The following CCSER1 variants were observed in gnomAD, a reference collection of about 807,000 sequenced individuals.
CCSER1 encodes the protein coiled-coil serine rich protein 1.
CCSER1 carries 41 observed loss-of-function variants against 82.0 expected under a neutral mutation model. The observed-to-expected ratio is 0.50, with a 90% confidence interval of 0.39 to 0.65. The LOEUF (loss-of-function observed/expected upper bound fraction) is 0.65, where lower values mean the gene tolerates loss of function less well. Among genes scored for constraint, CCSER1 ranks in the 30% least tolerant of loss-of-function variants. CCSER1 has a pLI of 0.00. For missense variants in CCSER1, 1,119 were observed against 1,064.2 expected (o/e 1.05, Z -0.72); for synonymous variants, 414 against 383.9 (o/e 1.08, Z -0.92).
At chr4:91,519,835 CT>C (rs1760355467) in intron 10 of CCSER1, among the ~76,000 whole-genome samples, 1 of 152,166 alleles carries the variant, frequency 6.6e-6, no homozygotes, top group African/African-American at 2.4e-5. Context: ...ATATGTTCGC[CT>C]GGATGTTTCA....
intron 10 of CCSER1, among the ~76,000 whole-genome samples, chr4:91,324,224 A>T (rs1354411801): frequency 6.6e-6 from 1 of 152,150 alleles, no homozygotes; most frequent in Non-Finnish European, 1.5e-5. Context: ...TCTATCTCCA[A>T]AATTATAGTA....
chr4:91,304,739 A>G (rs1176221432), intron 10 of CCSER1, among the ~76,000 whole-genome samples: 2 of 152,048 alleles, frequency 1.3e-5, no homozygotes, highest in African/African-American at 2.4e-5. Flanking sequence ...GAATCACAAT[A>G]CAATCCCCGA....
intron 10 of CCSER1, among the ~76,000 whole-genome samples, chr4:91,266,540 A>G (rs28522771): frequency 0.56 from 84,994 of 151,824 alleles, 24,864 homozygotes; most frequent in African/African-American, 0.76. Flanking sequence ...CGTGAGCCAC[A>G]GCGCCCGGCC....
At chr4:91,123,020 T>C (rs1262285700) in intron 10 of CCSER1, among the ~76,000 whole-genome samples, 1 of 151,762 alleles carries the variant, frequency 6.6e-6, no homozygotes, top group Non-Finnish European at 1.5e-5. Flanking sequence ...ACTATTTCAT[T>C]GAATAAATAT....
intron 7 of CCSER1, among the ~76,000 whole-genome samples, chr4:90,763,410 A>G (rs994087444): frequency 1.3e-5 from 2 of 152,132 alleles, no homozygotes; most frequent in Non-Finnish European, 2.9e-5. Flanking sequence ...ACTGAAAAAC[A>G]ATATTAAAAT....
intron 1 of CCSER1, among the ~76,000 whole-genome samples, chr4:90,235,973 A>G (rs1056350061): frequency 7.2e-5 from 11 of 152,106 alleles, no homozygotes; most frequent in African/African-American, 2.7e-4. Context: ...AGAGTGTCTC[A>G]TTGTGTCTCC....
intron 10 of CCSER1, among the ~76,000 whole-genome samples, chr4:91,139,823 T>C (rs1728856008): frequency 6.6e-6 from 1 of 152,204 alleles, no homozygotes; most frequent in East Asian, 1.9e-4. Context: ...ATTGCTTCTC[T>C]GAAAACCTTT....
chr4:91,180,665 A>C (rs1209887717), intron 10 of CCSER1, among the ~76,000 whole-genome samples: 1 of 152,144 alleles, frequency 6.6e-6, no homozygotes, highest in Non-Finnish European at 1.5e-5. Context: ...GGAAAAGTGC[A>C]GTATTAGGGT....
At chr4:90,669,331 A>G (rs914791233) in intron 6 of CCSER1, among the ~76,000 whole-genome samples, 1 of 152,052 alleles carries the variant, frequency 6.6e-6, no homozygotes, top group African/African-American at 2.4e-5. Context: ...GAGCTATGAG[A>G]CAAGAGAAGA....
chr4:91,202,053 C>CT (rs1197175149), intron 10 of CCSER1, among the ~76,000 whole-genome samples: 1 of 151,730 alleles, frequency 6.6e-6, no homozygotes, highest in Non-Finnish European at 1.5e-5. Flanking sequence ...ACTTTTAGCA[C>CT]TTTTTTGTCT....
At chr4:90,860,193 A>G (rs1301846074) in intron 8 of CCSER1, among the ~76,000 whole-genome samples, 1 of 151,726 alleles carries the variant, frequency 6.6e-6, no homozygotes, top group Non-Finnish European at 1.5e-5. Context: ...TGGGCATACC[A>G]TTTGAATAGA....
chr4:90,646,448 TA>T (rs1727617872), intron 6 of CCSER1, among the ~76,000 whole-genome samples: 1 of 152,004 alleles, frequency 6.6e-6, no homozygotes, highest in African/African-American at 2.4e-5. Flanking sequence ...AAAATAGACC[TA>T]AAAAACAAAC....
At chr4:90,809,311 T>TAC (rs56677479) in intron 7 of CCSER1, among the ~76,000 whole-genome samples, 23,635 of 148,224 alleles carry the variant, frequency 0.16, 1,962 homozygotes, top group Non-Finnish European at 0.2. Flanking sequence ...AGCAAGATCA[T>TAC]ACACACACAC....
intron 6 of CCSER1, among the ~76,000 whole-genome samples, chr4:90,660,486 T>A (rs1218524474): frequency 1.3e-5 from 2 of 152,140 alleles, no homozygotes; most frequent in African/African-American, 4.8e-5. Flanking sequence ...AAATGTGTCA[T>A]AACATTTCAA....
intron 8 of CCSER1, among the ~76,000 whole-genome samples, chr4:90,884,912 G>T (rs1055031435): frequency 1.3e-5 from 2 of 152,040 alleles, no homozygotes; most frequent in African/African-American, 4.8e-5. Flanking sequence ...ATAGAAGATT[G>T]CACAACAATA....
chr4:91,241,923 A>C (rs1739398763), intron 10 of CCSER1, among the ~76,000 whole-genome samples: 1 of 152,018 alleles, frequency 6.6e-6, no homozygotes, highest in African/African-American at 2.4e-5. Flanking sequence ...TAATATCTCT[A>C]TATATTTTTG....
intron 10 of CCSER1, among the ~76,000 whole-genome samples, chr4:91,479,127 T>G (rs1393742405): frequency 6.6e-6 from 1 of 151,194 alleles, no homozygotes; most frequent in Admixed American, 6.6e-5. Context: ...TTTGAAATTA[T>G]GAAATTGACA....
intron 1 of CCSER1, among the ~76,000 whole-genome samples, chr4:90,201,921 T>C (rs1737788599): frequency 6.6e-6 from 1 of 152,150 alleles, no homozygotes; most frequent in Admixed American, 6.6e-5. Context: ...GTTTATCATA[T>C]ACTTCAGGTT....
intron 10 of CCSER1, among the ~76,000 whole-genome samples, chr4:91,591,066 A>T (rs1319410352): frequency 6.6e-6 from 1 of 152,058 alleles, no homozygotes; most frequent in Non-Finnish European, 1.5e-5. Flanking sequence ...CAATGTATGG[A>T]GACATTTTTA....
Sources: allele counts gnomAD v4.1 joint callset (sites outside exome capture counted in the v4.1 genomes callset), GRCh38; gene constraint gnomAD v4.1.1; transcripts MANE v1.5; gene names NCBI Gene and HGNC (gene_info 2026-07-23, HGNC 2026-07-21).